The following IMMP2L variants were observed in gnomAD, a reference collection of about 807,000 sequenced individuals.
IMMP2L encodes the protein inner mitochondrial membrane peptidase subunit 2.
In IMMP2L, 18 loss-of-function variants were observed where a neutral mutation model predicts 19.3. That is an observed-to-expected ratio of 0.93 (90% confidence interval 0.64 to 1.38). The LOEUF is 1.38. IMMP2L is among the 40% of genes most tolerant of loss of function. The pLI is 0.00. For missense variants in IMMP2L, 233 were observed against 218.2 expected (o/e 1.07, Z -0.43); for synonymous variants, 76 against 73.0 (o/e 1.04, Z -0.21).
intron 1 of IMMP2L, among the ~76,000 whole-genome samples, chr7:111,549,495 A>AT (rs1401572927): frequency 1.3e-5 from 2 of 152,210 alleles, no homozygotes; most frequent in African/African-American, 2.4e-5. Flanking sequence ...TTTAAAGCCT[A>AT]TTTTTTAACT....
chr7:111,206,083 C>G (rs550651360), intron 3 of IMMP2L, among the ~76,000 whole-genome samples: 1 of 152,262 alleles, frequency 6.6e-6, no homozygotes, highest in African/African-American at 2.4e-5. Context: ...ATCTGTTTTT[C>G]TAATGGCACA....
At chr7:111,182,357 A>G (rs1807802107) in intron 3 of IMMP2L, among the ~76,000 whole-genome samples, 3 of 151,942 alleles carry the variant, frequency 2.0e-5, no homozygotes, top group Non-Finnish European at 4.4e-5. Context: ...AACTAAGAAG[A>G]GCAGAAGCTG....
chr7:111,383,674 G>A (rs1398287031), intron 3 of IMMP2L, among the ~76,000 whole-genome samples: 1 of 152,016 alleles, frequency 6.6e-6, no homozygotes, highest in Non-Finnish European at 1.5e-5. Flanking sequence ...CAGAAGGCAG[G>A]AGGGGTAGGT....
At chr7:111,446,358 C>A (rs1323901646) in intron 3 of IMMP2L, among the ~76,000 whole-genome samples, 2 of 142,332 alleles carry the variant, frequency 1.4e-5, no homozygotes, top group African/African-American at 2.9e-5. Context: ...AGCTGGAGAT[C>A]TGAGAACAGG....
chr7:111,494,151 A>G (rs1388962907), intron 2 of IMMP2L, among the ~76,000 whole-genome samples: 1 of 152,208 alleles, frequency 6.6e-6, no homozygotes, highest in African/African-American at 2.4e-5. Flanking sequence ...ATTCCAAGAG[A>G]CTACATCAAA....
intron 4 of IMMP2L, among the ~76,000 whole-genome samples, chr7:110,889,808 A>T (rs1248925639): frequency 1.3e-5 from 2 of 152,208 alleles, no homozygotes; most frequent in African/African-American, 4.8e-5. Context: ...ACTCTGTGTC[A>T]GTTTCCTCAG....
At chr7:110,962,179 A>G (rs1585465594) in intron 4 of IMMP2L, 1 of 152,112 alleles carries the variant, frequency 6.6e-6, no homozygotes, top group South Asian at 2.1e-4. Flanking sequence ...TTCTACAGCA[A>G]TAAGTTCTCA....
intron 3 of IMMP2L, among the ~76,000 whole-genome samples, chr7:111,419,898 G>T (rs1242467500): frequency 1.3e-5 from 2 of 151,752 alleles, no homozygotes; most frequent in African/African-American, 4.9e-5. Flanking sequence ...AAATGATAAG[G>T]TGGTTTCCAG....
chr7:111,538,217 T>A (rs556319821), intron 1 of IMMP2L, among the ~76,000 whole-genome samples: 1 of 152,118 alleles, frequency 6.6e-6, no homozygotes, highest in South Asian at 2.1e-4. Context: ...TGCTCAGTGT[T>A]CAATACAGTT....
At chr7:111,268,967 T>C (rs964791042) in intron 3 of IMMP2L, among the ~76,000 whole-genome samples, 4 of 152,220 alleles carry the variant, frequency 2.6e-5, no homozygotes, top group East Asian at 1.9e-4. Flanking sequence ...TCTGCAAATA[T>C]TGTCCATTTT....
rs553404161 is a variant in IMMP2L, at chr7:111,163,612, T to C, written c.240-200047A>G. Among the ~76,000 whole-genome samples the C allele has an allele frequency of 3.5e-4, 53 of 152,172 alleles. No individual in the cohort carries two copies. In the South Asian group the frequency reaches 0.011, roughly 32 times the overall value. On this transcript the variant is annotated intron_variant, in intron 3 of 5. Coordinates refer to ENST00000405709, the MANE Select transcript of IMMP2L (RefSeq NM_032549.4). ...AGTGGCTTGTGTGGATTGGTATCAG[T>C]TGGAAACTTAGCTGGTGGAGTTTCA...
intron 3 of IMMP2L, among the ~76,000 whole-genome samples, chr7:111,179,564 C>T (rs1321956278): frequency 6.6e-6 from 1 of 151,886 alleles, no homozygotes; most frequent in Admixed American, 6.6e-5. Flanking sequence ...ACAGATTTAG[C>T]ATCATTCTTA....
intron 5 of IMMP2L, among the ~76,000 whole-genome samples, chr7:110,815,746 A>G (rs1175172939): frequency 6.6e-6 from 1 of 152,014 alleles, no homozygotes; most frequent in African/African-American, 2.4e-5. Context: ...TTTCTAGTTT[A>G]TTTGCGTAGA....
intron 3 of IMMP2L, among the ~76,000 whole-genome samples, chr7:111,468,268 C>A (rs541926388): frequency 1.1e-4 from 16 of 152,148 alleles, no homozygotes; most frequent in Non-Finnish European, 1.9e-4. Context: ...CTCATTGTTA[C>A]CTGGATGTTA....
chr7:111,214,769 G>T, intron 3 of IMMP2L, among the ~76,000 whole-genome samples: 1 of 150,078 alleles, frequency 6.7e-6, no homozygotes, highest in African/African-American at 2.5e-5. Context: ...AGATTATCCA[G>T]AGCTCCATAA....
At position 111,562,195 on chromosome 7, in the gene IMMP2L, G is replaced by A. The variant is rs1201309088; in HGVS notation, c.-347C>T. The A allele has an allele frequency of 1.3e-5, 2 of 152,286 alleles. No homozygotes were observed. The highest frequency in any genetic ancestry group is 1.5e-5 in the Non-Finnish European group (1 of 68,110). The allele number at this position is 152,286 out of a possible 1,614,324, so 9.4% of individuals were successfully genotyped here. On this transcript the variant is annotated 5_prime_UTR_variant, in exon 1 of 6. Transcript: ENST00000405709. Reference sequence around the variant, plus strand: ...GGTTTCTCAACCTAGTTAGCCAGTGGCACCAAGAAGAGGACTAGGCTGGGG... The same window carrying A: ...GGTTTCTCAACCTAGTTAGCCAGTGACACCAAGAAGAGGACTAGGCTGGGG...
intron 3 of IMMP2L, among the ~76,000 whole-genome samples, chr7:111,141,821 C>A (rs1023848675): frequency 2.6e-5 from 4 of 152,270 alleles, no homozygotes; most frequent in South Asian, 2.1e-4. Flanking sequence ...CTGCCTCAGG[C>A]TCCCAAAAAG....
intron 3 of IMMP2L, among the ~76,000 whole-genome samples, chr7:111,445,253 G>C (rs1838210545): frequency 6.6e-6 from 1 of 151,664 alleles, no homozygotes; most frequent in East Asian, 1.9e-4. Context: ...AAACTGTGGG[G>C]AGCCAAAAAA....
intron 3 of IMMP2L, among the ~76,000 whole-genome samples, chr7:111,330,334 A>G (rs927842404): frequency 6.6e-6 from 1 of 151,868 alleles, no homozygotes; most frequent in Non-Finnish European, 1.5e-5. Flanking sequence ...TCAAAGAGAA[A>G]GTGGCTGAAA....
Sources: allele counts gnomAD v4.1 joint callset (sites outside exome capture counted in the v4.1 genomes callset), GRCh38; gene constraint gnomAD v4.1.1; transcripts MANE v1.5; gene names NCBI Gene and HGNC (gene_info 2026-07-23, HGNC 2026-07-21).